CCP110: variants seen among roughly 807,000 people sequenced by gnomAD.
CCP110 encodes the protein centriolar coiled-coil protein 110, also known as centriolar coiled-coil protein of 110 kDa.
A neutral mutation model predicts 105.5 loss-of-function variants in CCP110; 43 were observed. The ratio of observed to expected loss-of-function variants is 0.41; its 90% CI spans 0.32 to 0.53. CCP110 has a LOEUF of 0.53. CCP110 is among the 20% of genes least tolerant of loss of function. CCP110 has a pLI of 0.32. For missense variants in CCP110, 1,016 were observed against 1,189.1 expected (o/e 0.85, Z 2.14); for synonymous variants, 353 against 392.1 (o/e 0.90, Z 1.18).
Position 19,532,381 on chromosome 16 carries a change from G to T in CCP110, c.142-35G>T, listed in dbSNP as rs199627218. ...TTCCCGATTTTATGATATTTTTATC[G>T]TGGGAAATAATTACATTTTTATGAT... On this transcript the variant is annotated intron_variant, in intron 2 of 14. Coordinates refer to ENST00000381396, the Ensembl canonical transcript of CCP110. 3.3e-6 allele frequency: 5 copies of T among 1,533,270 alleles called. No homozygotes were observed. The African/African-American group carries it at 5.6e-5, about 17-fold the overall frequency. 95.0% of individuals were successfully genotyped at this position (1,533,270 alleles called of 1,614,324 possible).
chr16:19,525,638 C>T (rs571164288), intron 1 of CCP110: 2 of 152,022 alleles, frequency 1.3e-5, no homozygotes, highest in African/African-American at 2.4e-5. Flanking sequence ...GTGTATAGTC[C>T]GCCTTCTTTT....
At chr16:19,532,651 A>G (rs1969915550) in intron 3 of CCP110, 107 bp downstream of exon 3, 1 of 877,668 alleles carries the variant, frequency 1.1e-6, no homozygotes, top group African/African-American at 1.7e-5. Flanking sequence ...AATGTACTTT[A>G]CTGTTACGTT....
chr16:19,545,941 T>C (rs1312211628), intron 11 of CCP110, 51 bp downstream of exon 11: 7 of 1,054,008 alleles, frequency 6.6e-6, no homozygotes, highest in East Asian at 2.4e-5. Flanking sequence ...TTAATTTTAG[T>C]CATCTGTTGG....
exon 9 of CCP110, chr16:19,544,891 T>C (rs1182650506): frequency 9.7e-6 from 15 of 1,544,820 alleles, no homozygotes; most frequent in Non-Finnish European, 1.3e-5. Context: ...GAAAGAGTGT[T>C]AGCTCAGGTA....
At chr16:19,552,126 G>A (rs1970659503) in exon 15 of CCP110, 1 of 152,106 alleles carries the variant, frequency 6.6e-6, no homozygotes, top group Non-Finnish European at 1.5e-5. Flanking sequence ...AGAATAAAGG[G>A]CTATATAATA....
At position 19,544,019 on chromosome 16, in the gene CCP110, C is replaced by G. The variant is rs538195275; in HGVS notation, c.2485-778C>G. ...TGAAGCATGTGATCTTTGTGACCTA[C>G]TCCCTGTTCTTGCACCCCCTCCCCT... is the stretch of plus-strand genomic sequence containing the variant. On this transcript the variant is annotated intron_variant, in intron 8 of 14. Coordinates refer to ENST00000381396, the Ensembl canonical transcript of CCP110. Among the ~76,000 whole-genome samples, 5 of 152,272 alleles carry G rather than the reference C, an allele frequency of 3.3e-5. No individual in the cohort carries two copies. The South Asian group carries it at 1.0e-3, about 32-fold the overall frequency.
chr16:19,532,522 A>G (rs771367358), exon 3 of CCP110: 31 of 1,608,564 alleles, frequency 1.9e-5, no homozygotes, highest in Middle Eastern at 1.7e-4. Context: ...ACTCGTGTCC[A>G]GGAGATTCTT....
At chr16:19,553,109 A>T (rs1567372099) in exon 15 of CCP110, 1 of 152,218 alleles carries the variant, frequency 6.6e-6, no homozygotes, top group Non-Finnish European at 1.5e-5. Context: ...TAGTTAAAAC[A>T]AATAGTTTTG....
At chr16:19,550,057 A>G (rs1322176686) in intron 14 of CCP110, among the ~76,000 whole-genome samples, 2 of 152,220 alleles carry the variant, frequency 1.3e-5, no homozygotes, top group Non-Finnish European at 2.9e-5. Context: ...ATTAATATGT[A>G]TCTAAACAAG....
At chr16:19,550,647 C>T (rs1970606380) in intron 14 of CCP110, among the ~76,000 whole-genome samples, 1 of 152,088 alleles carries the variant, frequency 6.6e-6, no homozygotes, top group Non-Finnish European at 1.5e-5. Context: ...GAGGCAAATC[C>T]TTTGTTAAGC....
At chr16:19,545,339 C>T (rs1970426692) in intron 10 of CCP110, 129 bp downstream of exon 10, 7 of 539,864 alleles carry the variant, frequency 1.3e-5, no homozygotes. Flanking sequence ...CCTGGAATTA[C>T]TAGCAGCATT....
chr16:19,527,798 C>CA, intron 1 of CCP110, 69 bp from the exon 2 acceptor site: 1 of 1,344,550 alleles, frequency 7.4e-7, no homozygotes, highest in Non-Finnish European at 1.0e-6. Flanking sequence ...TCATGCTCTA[C>CA]AAAATCTGCC....
chr16:19,540,539 G>A, intron 4 of CCP110, 118 bp from the exon 5 acceptor site: 1 of 813,294 alleles, frequency 1.2e-6, no homozygotes, highest in Non-Finnish European at 2.0e-6. Context: ...TATCTTGATT[G>A]TATTATGTCA....
Position 19,542,083 on chromosome 16 carries a change from T to C in CCP110, c.2227+19T>C. The C allele has an allele frequency of 6.6e-7, 1 of 1,509,780 alleles. No homozygotes were observed. The highest frequency in any genetic ancestry group is 8.9e-7 in the Non-Finnish European group (1 of 1,119,922). 93.5% of individuals were successfully genotyped at this position (1,509,780 alleles called of 1,614,324 possible). A position where few individuals can be genotyped will look rare whatever the true frequency, so the allele number is the denominator to read the frequency against. Reference sequence around the variant, plus strand: ...AGTTCTGGTAAATATTTAAAAATCCTTTTACATTTGGGAAAGTGATCCTAC... The same window carrying C: ...AGTTCTGGTAAATATTTAAAAATCCCTTTACATTTGGGAAAGTGATCCTAC... On this transcript the variant is annotated intron_variant, in intron 6 of 14. Coordinates refer to ENST00000381396, the Ensembl canonical transcript of CCP110.
intron 12 of CCP110, 26 bp from the exon 13 acceptor site, chr16:19,547,929 T>G: frequency 6.5e-7 from 1 of 1,541,104 alleles, no homozygotes; most frequent in South Asian, 1.1e-5. Context: ...CCTATTAAAT[T>G]AATTTTTCAT....
At chr16:19,524,465 C>T (rs1189074230) in intron 1 of CCP110, among the ~76,000 whole-genome samples, 3 of 152,248 alleles carry the variant, frequency 2.0e-5, no homozygotes, top group East Asian at 1.9e-4. Context: ...CTTCTCCCTC[C>T]CACGGTGCTG....
chr16:19,532,725 T>C (rs1969918637), intron 3 of CCP110, among the ~76,000 whole-genome samples, 181 bp downstream of exon 3: 1 of 152,238 alleles, frequency 6.6e-6, no homozygotes, highest in African/African-American at 2.4e-5. Flanking sequence ...ACTTGCTTGT[T>C]AGTAATGCCC....
exon 6 of CCP110, chr16:19,542,056 A>G (rs761006071): frequency 1.0e-5 from 16 of 1,569,314 alleles, no homozygotes; most frequent in Non-Finnish European, 2.6e-6. Context: ...TCAAATTCAA[A>G]TAGTTCTGGT....
At chr16:19,524,637 C>T (rs1323702671) in intron 1 of CCP110, 4 of 152,164 alleles carry the variant, frequency 2.6e-5, no homozygotes, top group African/African-American at 7.2e-5. Context: ...ATGGTTCCCA[C>T]CCTTTGATTC....
Sources: allele counts gnomAD v4.1 joint callset (sites outside exome capture counted in the v4.1 genomes callset), GRCh38; gene constraint gnomAD v4.1.1; transcripts MANE v1.5; gene names NCBI Gene and HGNC (gene_info 2026-07-23, HGNC 2026-07-21).